OSBPL10: variants seen among roughly 807,000 people sequenced by gnomAD.
OSBPL10 encodes the protein oxysterol binding protein like 10, also known as oxysterol-binding protein-related protein 10.
In OSBPL10, 49 loss-of-function variants were observed where a neutral mutation model predicts 81.7. The ratio of observed to expected loss-of-function variants is 0.60; its 90% confidence interval spans 0.48 to 0.76. The LOEUF is 0.76. Ranked by LOEUF, OSBPL10 falls within the 30% of genes least tolerant of loss-of-function variation. OSBPL10 has a pLI of 0.00. For missense variants in OSBPL10, 923 were observed against 987.8 expected, an observed-to-expected ratio of 0.93 and a Z score of 0.88; for synonymous variants, 419 against 383.6, an observed-to-expected ratio of 1.09 and a Z score of -1.08.
intron 2 of OSBPL10, among the ~76,000 whole-genome samples, chr3:32,035,843 G>C (rs1028775671): frequency 2.0e-5 from 3 of 151,912 alleles, no homozygotes; most frequent in African/African-American, 7.3e-5. Context: ...TGTACAATTG[G>C]GTGGCATTAA....
intron 3 of OSBPL10, among the ~76,000 whole-genome samples, chr3:31,844,101 T>C (rs998751640): frequency 1.5e-4 from 23 of 152,350 alleles, no homozygotes; most frequent in African/African-American, 5.5e-4. Flanking sequence ...AGGTACAAGA[T>C]GCTGAACTAG....
At position 31,702,256 on chromosome 3, in the gene OSBPL10, T is replaced by A. The variant is rs1695918463; in HGVS notation, c.1245+103A>T. 14 of 1,382,888 alleles carry A rather than the reference T, an allele frequency of 1.0e-5. No individual in the cohort carries two copies. The South Asian group carries it at 1.6e-4, about 15-fold the overall frequency. 85.7% of individuals were successfully genotyped at this position (1,382,888 alleles called of 1,614,324 possible). ...TGCTGGCCTTTTTCCCCACTCTTCTTCTCCAATCTCACCACAACGAAAAGA... is the reference window on the plus strand; with the variant it reads ...TGCTGGCCTTTTTCCCCACTCTTCTACTCCAATCTCACCACAACGAAAAGA... On this transcript the variant is annotated intron_variant, in intron 7 of 11. Coordinates refer to ENST00000396556, the MANE Select transcript of OSBPL10 (RefSeq NM_017784.5).
At chr3:32,049,119 T>C (rs746886919) in intron 1 of OSBPL10, among the ~76,000 whole-genome samples, 3 of 152,202 alleles carry the variant, frequency 2.0e-5, no homozygotes, top group African/African-American at 4.8e-5. Context: ...TCACTTAACA[T>C]ATAGTCAAGA....
Position 31,664,097 on chromosome 3 carries a change from G to T in OSBPL10, c.2232C>A (p.Pro744=). Residue 744 remains proline, a synonymous_variant, in exon 11 of 12, where the codon CCC becomes CCA. Transcript: ENST00000396556. ...GAGTTACCTCCTGGATAAAATATTT[G>T]GGCTTCCATGGTGTGCGGAGGTTCT... is the stretch of plus-strand genomic sequence containing the variant. ...KRENLRTPWK[P]KYFIQEGDGW... is the part of the protein sequence containing the mutation. 6.2e-7 allele frequency: 1 copy of T among 1,614,060 alleles called. No homozygotes were observed. Among genetic ancestry groups the T allele is most frequent in the Non-Finnish European group, 8.5e-7 (1 of 1,180,024 alleles).
At chr3:31,841,082 A>AT (rs1482400960) in intron 3 of OSBPL10, among the ~76,000 whole-genome samples, 1 of 152,040 alleles carries the variant, frequency 6.6e-6, no homozygotes, top group Non-Finnish European at 1.5e-5. Flanking sequence ...CTAATTTTGT[A>AT]TTTTTAGTAG....
At chr3:31,734,431 T>C (rs887878564) in intron 5 of OSBPL10, among the ~76,000 whole-genome samples, 5 of 152,090 alleles carry the variant, frequency 3.3e-5, no homozygotes, top group African/African-American at 1.2e-4. Context: ...CCATAGCAAT[T>C]CTGCCATTCG....
chr3:31,865,782 C>A (rs1449775093), intron 3 of OSBPL10, among the ~76,000 whole-genome samples: 4 of 152,174 alleles, frequency 2.6e-5, no homozygotes, highest in African/African-American at 7.2e-5. Context: ...CAGATTGCCA[C>A]CAAAATTCTG....
At chr3:32,049,681 C>G (rs1024538494) in intron 1 of OSBPL10, among the ~76,000 whole-genome samples, 2 of 152,164 alleles carry the variant, frequency 1.3e-5, no homozygotes, top group African/African-American at 4.8e-5. Flanking sequence ...ATTAATCTGC[C>G]TTGTACTCTC....
intron 3 of OSBPL10, among the ~76,000 whole-genome samples, chr3:31,846,143 G>A (rs1179626467): frequency 6.6e-6 from 1 of 152,110 alleles, no homozygotes; most frequent in East Asian, 1.9e-4. Context: ...CTCCCGCGTG[G>A]CGGGGACAAC....
intron 1 of OSBPL10, among the ~76,000 whole-genome samples, chr3:31,884,247 T>TG (rs1201026616): frequency 7.2e-5 from 11 of 152,032 alleles, no homozygotes; most frequent in African/African-American, 2.7e-4. Flanking sequence ...CTGCCTCAGA[T>TG]GAAAAAAAAG....
intron 1 of OSBPL10, among the ~76,000 whole-genome samples, chr3:31,904,067 A>T (rs1261650483): frequency 2.0e-5 from 3 of 152,178 alleles, no homozygotes; most frequent in Non-Finnish European, 4.4e-5. Context: ...AAAAGTTCTC[A>T]CAAGGGCTGA....
At chr3:31,675,815 G>A (rs564287736) in intron 8 of OSBPL10, among the ~76,000 whole-genome samples, 141 of 151,918 alleles carry the variant, frequency 9.3e-4, no homozygotes, top group African/African-American at 3.0e-3. Context: ...GCATGGTGGC[G>A]GGCACCTGTA....
intron 3 of OSBPL10, among the ~76,000 whole-genome samples, chr3:31,843,484 A>C (rs1192209582): frequency 6.6e-6 from 1 of 152,174 alleles, no homozygotes; most frequent in Non-Finnish European, 1.5e-5. Flanking sequence ...TTCCGGGATG[A>C]CATTCCTGCA....
upstream of OSBPL10, among the ~76,000 whole-genome samples, chr3:31,984,900 T>A (rs755711089): frequency 6.6e-6 from 1 of 152,206 alleles, no homozygotes; most frequent in Non-Finnish European, 1.5e-5. Context: ...ATGTCGAATT[T>A]TTTTTACTGT....
chr3:31,744,589 A>ATAGT (rs1697462963), intron 5 of OSBPL10, among the ~76,000 whole-genome samples: 1 of 150,970 alleles, frequency 6.6e-6, no homozygotes, highest in African/African-American at 2.4e-5. Context: ...TGGGCAAGTG[A>ATAGT]CAGTCAAAGG....
At chr3:31,812,772 A>AAG (rs1449910512) in intron 4 of OSBPL10, among the ~76,000 whole-genome samples, 1 of 52,700 alleles carries the variant, frequency 1.9e-5, no homozygotes, top group Non-Finnish European at 3.5e-5. Flanking sequence ...GAAAGAAAGA[A>AAG]AGAAAGAAAG....
chr3:32,049,380 G>A (rs1699651770), intron 1 of OSBPL10, among the ~76,000 whole-genome samples: 1 of 152,106 alleles, frequency 6.6e-6, no homozygotes, highest in Non-Finnish European at 1.5e-5. Context: ...ATAGATTGCA[G>A]CACCAATTGG....
chr3:31,848,125 G>C (rs1312553889), intron 3 of OSBPL10, among the ~76,000 whole-genome samples: 4 of 152,098 alleles, frequency 2.6e-5, no homozygotes, highest in African/African-American at 9.7e-5. Context: ...AATCAGGCTT[G>C]ACTTCAGGGG....
At chr3:31,756,705 T>C (rs1697898835) in intron 4 of OSBPL10, among the ~76,000 whole-genome samples, 1 of 152,126 alleles carries the variant, frequency 6.6e-6, no homozygotes, top group Non-Finnish European at 1.5e-5. Context: ...AATATTGGCT[T>C]TGGGGGTAGC....
Sources: gnomAD v4.1 joint callset for allele counts (sites outside exome capture counted in the v4.1 genomes callset) on GRCh38, gnomAD v4.1.1 for gene constraint, MANE v1.5 for transcripts, NCBI Gene and HGNC (gene_info 2026-07-23, HGNC 2026-07-21) for gene names.